The following DOCK5 variants were observed in gnomAD, a reference collection of about 807,000 sequenced individuals.
The protein encoded by DOCK5 is dedicator of cytokinesis protein 5.
DOCK5 carries 142 observed loss-of-function variants against 251.8 expected under a neutral mutation model. The ratio of observed to expected loss-of-function variants is 0.56; its 90% CI spans 0.49 to 0.65. The LOEUF (loss-of-function observed/expected upper bound fraction) is 0.65. Among genes scored for constraint, DOCK5 ranks in the 30% least tolerant of loss-of-function variants. The probability of loss-of-function intolerance (pLI) is 0.00; values close to 1 mark genes in which losing one functional copy is unlikely to be tolerated. For missense variants in DOCK5, 2,111 were observed against 2,312.3 expected, an observed-to-expected ratio of 0.91 and a Z score of 1.79; for synonymous variants, 842 against 835.5, an observed-to-expected ratio of 1.01 and a Z score of -0.13.
chr8:25,314,705 TCCAC>T (rs772999539), intron 13 of DOCK5, among the ~76,000 whole-genome samples: 21 of 141,998 alleles, frequency 1.5e-4, no homozygotes, highest in African/African-American at 4.0e-4. Context: ...CATCCATCCA[TCCAC>T]GTACCCAACC....
Position 25,342,404 on chromosome 8 carries a change from G to A in DOCK5, c.2514G>A (p.Val838=), listed in dbSNP as rs1281830837. 1.3e-6 allele frequency: 2 copies of A among 1,586,932 alleles called. No individual in the cohort carries two copies. The highest frequency in any genetic ancestry group is 1.7e-6 in the Non-Finnish European group (2 of 1,164,644). Residue 838 remains valine, a synonymous_variant, in exon 25 of 52, where the codon GTG becomes GTA. Coordinates refer to ENST00000276440, the MANE Select transcript of DOCK5 (RefSeq NM_024940.8). ...AACCCTGAGGTTTCTCTCCCAGCGT[G>A]CTCTTCTGCAAATTCATTCAAAGCA... ...KLVFDPVELS[V]LFCKFIQSIP... is the part of the protein sequence containing the mutation.
chr8:25,377,071 G>A (rs1330477495), intron 37 of DOCK5, among the ~76,000 whole-genome samples: 1 of 152,174 alleles, frequency 6.6e-6, no homozygotes, highest in South Asian at 2.1e-4. Flanking sequence ...ATGTCAGTTA[G>A]CGACCTTGCT....
rs759543509 is a variant in DOCK5, at chr8:25,359,015, A to C, written c.2903A>C (p.His968Pro). The C allele has an allele frequency of 2.2e-5, 35 of 1,613,906 alleles. No homozygotes were observed. The South Asian group carries it at 3.8e-4, about 18-fold the overall frequency. The change falls in exon 28 of 52, where the codon CAC (histidine) becomes CCC (proline). Residue 968 changes from histidine (H) to proline (P), a missense_variant. This residue lies in a region of DOCK5 where 1,717 missense variants were observed against 1,892.4 expected (regional missense o/e 0.91). Transcript: ENST00000276440. ...CTGCTGCAGCAAATGGACGACAGCC[A>C]CTATAGCCACTACATCAGCACTTTC... ...IALLQQMDDS[H>P]YSHYISTFKT...
At chr8:25,230,045 G>A (rs372516032) in intron 1 of DOCK5, among the ~76,000 whole-genome samples, 2 of 152,160 alleles carry the variant, frequency 1.3e-5, no homozygotes, top group East Asian at 1.9e-4. Context: ...ATAAGAATCA[G>A]CAAGTATAGA....
intron 11 of DOCK5, 191 bp downstream of exon 11, chr8:25,304,518 G>A: frequency 2.0e-6 from 1 of 509,374 alleles, no homozygotes; most frequent in Non-Finnish European, 3.4e-6. Context: ...CATTGAAGAG[G>A]GTAAACTGAA....
At chr8:25,307,620 C>T (rs1804978751) in intron 11 of DOCK5, among the ~76,000 whole-genome samples, 1 of 152,074 alleles carries the variant, frequency 6.6e-6, no homozygotes, top group African/African-American at 2.4e-5. Flanking sequence ...TCTGAAACAG[C>T]CATCTGTATA....
intron 1 of DOCK5, 122 bp downstream of exon 1, chr8:25,185,073 C>T: frequency 1.8e-6 from 2 of 1,131,368 alleles, no homozygotes; most frequent in Non-Finnish European, 2.3e-6. Context: ...CCCGGCTGCG[C>T]AGCTCTGGGA....
chr8:25,349,808 G>A (rs1172667472), intron 26 of DOCK5, among the ~76,000 whole-genome samples: 5 of 152,084 alleles, frequency 3.3e-5, no homozygotes, highest in Non-Finnish European at 7.4e-5. Flanking sequence ...CTACGCATTG[G>A]GTACAGTGTA....
intron 48 of DOCK5, among the ~76,000 whole-genome samples, chr8:25,406,121 A>G (rs188701593): frequency 1.5e-3 from 232 of 151,846 alleles, no homozygotes; most frequent in Non-Finnish European, 2.6e-3. Flanking sequence ...ACCATGCCCG[A>G]CTAATTTTTT....
chr8:25,249,157 C>A (rs140651847), intron 2 of DOCK5, among the ~76,000 whole-genome samples: 190 of 152,142 alleles, frequency 1.2e-3, no homozygotes, highest in Middle Eastern at 6.8e-3. Context: ...TGCCACCATG[C>A]CTAGCTAATG....
intron 1 of DOCK5, among the ~76,000 whole-genome samples, chr8:25,233,038 C>G (rs1336110972): frequency 6.6e-6 from 1 of 152,152 alleles, no homozygotes; most frequent in Non-Finnish European, 1.5e-5. Context: ...AGCACTCTCT[C>G]TGAGCAGCCC....
At chr8:25,310,087 T>TTG (rs1364459065) in intron 12 of DOCK5, among the ~76,000 whole-genome samples, 2 of 152,186 alleles carry the variant, frequency 1.3e-5, no homozygotes, top group Non-Finnish European at 2.9e-5. Flanking sequence ...TAGTGTTTCA[T>TTG]TGTTTCATGT....
Position 25,395,637 on chromosome 8 carries a change from C to G in DOCK5, c.4622C>G (p.Ser1541Cys), listed in dbSNP as rs753501029. 6.2e-7 allele frequency: 1 copy of G among 1,613,614 alleles called. No homozygotes were observed. The highest frequency in any genetic ancestry group is 8.5e-7 in the Non-Finnish European group (1 of 1,179,786). The change falls in exon 45 of 52, where the codon TCC (serine) becomes TGC (cysteine). Residue 1541 changes from serine to cysteine, a missense_variant. By Grantham distance (112) the Ser-to-Cys change is moderately radical (BLOSUM62 -1). This residue lies in a region of DOCK5 where 1,717 missense variants were observed against 1,892.4 expected (regional missense o/e 0.91). Coordinates refer to ENST00000276440, the MANE Select transcript of DOCK5 (RefSeq NM_024940.8). ...GTTCAGCAGCATGCCTGGGACCGGT[C>G]CCTCTCTGTGCACCCTCTCTCCATG... ...NCVQQHAWDR[S>C]LSVHPLSMLL...
chr8:25,332,890 G>A (rs1251571389), intron 20 of DOCK5, among the ~76,000 whole-genome samples, 198 bp downstream of exon 20: 1 of 152,148 alleles, frequency 6.6e-6, no homozygotes, highest in Non-Finnish European at 1.5e-5. Flanking sequence ...TTTGTTTCCT[G>A]TTAGGTCTCA....
At position 25,267,391 on chromosome 8, in the gene DOCK5, C is replaced by T. The variant is rs185155054; in HGVS notation, c.128-1454C>T. ...AAATATTTATGAAATACTACTTTTA[C>T]AATATTTGTGAAAATATTATTGAAT... On this transcript the variant is annotated intron_variant, in intron 2 of 51. Transcript: ENST00000276440. Among the ~76,000 whole-genome samples the T allele has an allele frequency of 2.1e-3, 318 of 152,272 alleles. 1 individual carries two copies. Among genetic ancestry groups the T allele is most frequent in the Middle Eastern group, 0.014 (4 of 292 alleles).
intron 40 of DOCK5, among the ~76,000 whole-genome samples, chr8:25,386,150 C>T (rs1421381124): frequency 6.6e-6 from 1 of 152,122 alleles, no homozygotes; most frequent in East Asian, 1.9e-4. Flanking sequence ...CCAAAAGGCA[C>T]AAGTCAACCA....
At chr8:25,358,855 C>G in intron 27 of DOCK5, 108 bp from the exon 28 acceptor site, 1 of 882,330 alleles carries the variant, frequency 1.1e-6, no homozygotes, top group South Asian at 1.4e-5. Context: ...GGTGGGATAC[C>G]TGCGTGGCTC....
chr8:25,272,745 A>T (rs982113145), intron 3 of DOCK5, among the ~76,000 whole-genome samples: 3 of 152,182 alleles, frequency 2.0e-5, no homozygotes, highest in Admixed American at 6.5e-5. Context: ...TTGTAAGTGT[A>T]CTTTCCAGTG....
At chr8:25,225,542 T>TA (rs776388570) in intron 1 of DOCK5, among the ~76,000 whole-genome samples, 72 of 152,114 alleles carry the variant, frequency 4.7e-4, no homozygotes, top group Middle Eastern at 3.4e-3. Flanking sequence ...CCGTCTCTAC[T>TA]AAAAATACAC....
Sources: gnomAD v4.1 joint callset for allele counts (sites outside exome capture counted in the v4.1 genomes callset) on GRCh38, gnomAD v4.1.1 for gene constraint, gnomAD v4.1.1 regional missense constraint, MANE v1.5 for transcripts, NCBI Gene and HGNC (gene_info 2026-07-23, HGNC 2026-07-21) for gene names.